Variants in PRKCH observed in about 807,000 individuals in gnomAD.
The protein encoded by PRKCH is protein kinase C eta type.
A neutral mutation model predicts 82.5 loss-of-function variants in PRKCH; 28 were observed. That is an observed-to-expected ratio of 0.34 (90% confidence interval 0.25 to 0.47). The LOEUF (loss-of-function observed/expected upper bound fraction) is 0.47. Ranked by LOEUF, PRKCH falls within the 20% of genes least tolerant of loss-of-function variation. The pLI is 1.00. For missense variants in PRKCH, 705 were observed against 881.8 expected (o/e 0.80, Z 2.54); for synonymous variants, 322 against 327.4 (o/e 0.98, Z 0.18).
rs538915307 is a variant in PRKCH, at chr14:61,446,638, G to A, written c.613+912G>A. 5.6e-4 allele frequency among the ~76,000 whole-genome samples: 85 copies of A among 152,304 alleles called. No individual in the cohort carries two copies. In the Middle Eastern group the frequency reaches 0.01, roughly 18 times the overall value. Reference sequence around the variant, plus strand: ...TGAACAATTCCATTGAACTTTCAAAGTTAGGAAAAAACAAATATATAATCA... The same window carrying A: ...TGAACAATTCCATTGAACTTTCAAAATTAGGAAAAAACAAATATATAATCA... On this transcript the variant is annotated intron_variant, in intron 4 of 13. Transcript: ENST00000332981.
chr14:61,211,144 G>A (rs987193469), intron 1 of PRKCH, among the ~76,000 whole-genome samples: 26 of 152,152 alleles, frequency 1.7e-4, no homozygotes, highest in African/African-American at 5.8e-4. Context: ...TGCAGAAGAA[G>A]CTGGTGCCCT....
At chr14:61,370,549 A>G (rs1213211398) in intron 1 of PRKCH, among the ~76,000 whole-genome samples, 2 of 152,126 alleles carry the variant, frequency 1.3e-5, no homozygotes, top group Non-Finnish European at 2.9e-5. Context: ...AAATCTTTGT[A>G]TCCATTTTTG....
chr14:61,517,200 A>G (rs1002304343), intron 10 of PRKCH, among the ~76,000 whole-genome samples: 1 of 152,150 alleles, frequency 6.6e-6, no homozygotes, highest in African/African-American at 2.4e-5. Flanking sequence ...GGTCCCGTAA[A>G]TTCTTCTCTT....
chr14:61,286,982 G>A (rs1358349380), intron 1 of PRKCH, among the ~76,000 whole-genome samples: 1 of 152,036 alleles, frequency 6.6e-6, no homozygotes, highest in Non-Finnish European at 1.5e-5. Flanking sequence ...AAGGCGGGTG[G>A]ATCACCTGAG....
intron 12 of PRKCH, chr14:61,543,392 T>TA (rs2043212336): frequency 6.6e-6 from 1 of 152,184 alleles, no homozygotes. Flanking sequence ...AAGGGGAACA[T>TA]AAAATGAGTC....
chr14:61,299,705 T>G (rs539368948), intron 1 of PRKCH: 1 of 152,322 alleles, frequency 6.6e-6, no homozygotes, highest in East Asian at 1.9e-4. Context: ...ACCTTTTGCC[T>G]TTCAGGTTTT....
intron 2 of PRKCH, among the ~76,000 whole-genome samples, chr14:61,420,181 A>G (rs1882761848): frequency 6.6e-6 from 1 of 151,854 alleles, no homozygotes; most frequent in South Asian, 2.1e-4. Flanking sequence ...GTGCCTCTGT[A>G]CGTGTGTGTG....
chr14:61,256,826 T>C (rs949452011), intron 1 of PRKCH, among the ~76,000 whole-genome samples: 1 of 152,220 alleles, frequency 6.6e-6, no homozygotes, highest in South Asian at 2.1e-4. Context: ...GCTAAATCTA[T>C]CTGCTTGCCT....
chr14:61,413,580 G>A (rs1008125960), intron 2 of PRKCH, among the ~76,000 whole-genome samples: 1 of 151,980 alleles, frequency 6.6e-6, no homozygotes, highest in Non-Finnish European at 1.5e-5. Flanking sequence ...AGTTGTCATT[G>A]CTTTTGCTAA....
chr14:61,510,823 A>G (rs1229346337), intron 10 of PRKCH, among the ~76,000 whole-genome samples: 2 of 152,106 alleles, frequency 1.3e-5, no homozygotes, highest in Admixed American at 6.5e-5. Context: ...AGATTTGTGC[A>G]ATGATTGAAT....
chr14:61,410,187 G>T (rs1217427645), intron 2 of PRKCH, among the ~76,000 whole-genome samples: 1 of 152,110 alleles, frequency 6.6e-6, no homozygotes, highest in Non-Finnish European at 1.5e-5. Context: ...GAGTCTGTGA[G>T]CAGGTTTTGT....
chr14:61,195,510 C>G (rs2044434160), intron 1 of PRKCH, among the ~76,000 whole-genome samples: 1 of 152,156 alleles, frequency 6.6e-6, no homozygotes, highest in Non-Finnish European at 1.5e-5. Context: ...TTCATAAAAT[C>G]AAATGGGCAT....
chr14:61,327,624 CTTG>C (rs1157209263), intron 1 of PRKCH, among the ~76,000 whole-genome samples: 1 of 152,220 alleles, frequency 6.6e-6, no homozygotes, highest in East Asian at 1.9e-4. Context: ...ATATTATTAT[CTTG>C]TTGTCTTTCG....
chr14:61,421,731 T>C (rs1215479380), intron 2 of PRKCH, among the ~76,000 whole-genome samples: 1 of 152,240 alleles, frequency 6.6e-6, no homozygotes, highest in African/African-American at 2.4e-5. Context: ...ACTTGTATGC[T>C]AGGCATTGGT....
chr14:61,549,737 C>A lies in PRKCH; in HGVS notation c.1958C>A (p.Pro653Gln). The A allele has an allele frequency of 6.2e-7, 1 of 1,613,812 alleles. No homozygotes were observed. Residue 653 changes from proline (P) to glutamine (Q), a missense_variant, in exon 14 of 14, where the codon CCA (proline) becomes CAA (glutamine). Around this residue, in one of 5 missense-constraint regions of PRKCH, gnomAD observed 91 missense variants for 81.2 expected, o/e 1.12. Coordinates refer to ENST00000332981, the MANE Select transcript of PRKCH (RefSeq NM_006255.5). ...NFDPDFIKEEPVLTPIDEGHL... is the reference protein window; with the variant it reads ...NFDPDFIKEEQVLTPIDEGHL... ...GACCCTGACTTCATAAAGGAAGAGCCAGTTTTAACTCCAATTGATGAGGGA... is the reference window on the plus strand; with the variant it reads ...GACCCTGACTTCATAAAGGAAGAGCAAGTTTTAACTCCAATTGATGAGGGA...
intron 2 of PRKCH, among the ~76,000 whole-genome samples, chr14:61,396,176 C>T (rs1473781995): frequency 6.6e-6 from 1 of 151,744 alleles, no homozygotes; most frequent in Admixed American, 6.6e-5. Context: ...TGGCTTATCT[C>T]CATGCCTGTT....
At chr14:61,454,861 G>A (rs1884685212) in intron 7 of PRKCH, among the ~76,000 whole-genome samples, 1 of 152,100 alleles carries the variant, frequency 6.6e-6, no homozygotes, top group African/African-American at 2.4e-5. Flanking sequence ...GGTGTAGCTT[G>A]GTGTCCAGTT....
chr14:61,243,801 C>CT (rs1403730247), intron 1 of PRKCH, among the ~76,000 whole-genome samples: 14 of 152,008 alleles, frequency 9.2e-5, no homozygotes, highest in Non-Finnish European at 2.1e-4. Context: ...TATAAAAAGC[C>CT]TTTTTTCTTA....
intron 1 of PRKCH, among the ~76,000 whole-genome samples, chr14:61,218,474 G>A (rs1267891523): frequency 4.6e-5 from 7 of 152,156 alleles, no homozygotes; most frequent in Admixed American, 6.5e-5. Context: ...GCTTTGCTAA[G>A]TAAATGAACC....
Sources: gnomAD v4.1 joint callset for allele counts (sites outside exome capture counted in the v4.1 genomes callset) on GRCh38, gnomAD v4.1.1 for gene constraint, gnomAD v4.1.1 regional missense constraint, MANE v1.5 for transcripts, NCBI Gene and HGNC (gene_info 2026-07-23, HGNC 2026-07-21) for gene names.